The following CCDC171 variants were observed in gnomAD, a reference collection of about 807,000 sequenced individuals.
CCDC171 encodes coiled-coil domain containing 171, also known as coiled-coil domain-containing protein 171.
In CCDC171, 177 loss-of-function variants were observed where a neutral mutation model predicts 168.2. The observed-to-expected ratio is 1.05, with a 90% confidence interval of 0.93 to 1.19. CCDC171 has a LOEUF of 1.19. Ranked by LOEUF, CCDC171 falls within the 50% of genes most tolerant of loss-of-function variation. The pLI, the probability that CCDC171 is intolerant of heterozygous loss-of-function variation, is 0.00. For missense variants in CCDC171, 1,991 were observed against 1,539.0 expected, an observed-to-expected ratio of 1.29 and a Z score of -4.91; for synonymous variants, 687 against 540.8, an observed-to-expected ratio of 1.27 and a Z score of -3.75.
intron 24 of CCDC171, among the ~76,000 whole-genome samples, chr9:15,902,515 A>G (rs1488430259): frequency 6.6e-6 from 1 of 152,172 alleles, no homozygotes; most frequent in African/African-American, 2.4e-5. Flanking sequence ...CAACTGTATT[A>G]GGGCATTCTT....
At chr9:15,631,463 C>T (rs138504968) in intron 7 of CCDC171, among the ~76,000 whole-genome samples, 1 of 152,176 alleles carries the variant, frequency 6.6e-6, no homozygotes, top group Non-Finnish European at 1.5e-5. Context: ...CCACCCAAGA[C>T]TAAACCAGGA....
At chr9:15,767,738 C>T (rs1361592946) in intron 18 of CCDC171, among the ~76,000 whole-genome samples, 1 of 150,816 alleles carries the variant, frequency 6.6e-6, no homozygotes, top group Non-Finnish European at 1.5e-5. Flanking sequence ...GATATTACTC[C>T]TGTTTCTCCT....
chr9:15,638,609 C>G (rs1166067461), intron 7 of CCDC171, among the ~76,000 whole-genome samples: 4 of 151,960 alleles, frequency 2.6e-5, no homozygotes, highest in Non-Finnish European at 5.9e-5. Context: ...AGCTTTTTAA[C>G]AGTTGCATTT....
At chr9:15,728,364 T>C (rs1400078101) in intron 15 of CCDC171, among the ~76,000 whole-genome samples, 1 of 152,178 alleles carries the variant, frequency 6.6e-6, no homozygotes, top group Admixed American at 6.5e-5. Context: ...CTTAGTCATT[T>C]ACATTAATAA....
intron 21 of CCDC171, among the ~76,000 whole-genome samples, chr9:15,827,189 GT>G (rs2060048121): frequency 1.3e-5 from 2 of 152,046 alleles, no homozygotes; most frequent in South Asian, 4.1e-4. Context: ...TTTTTAGTTT[GT>G]TTTATGAAAT....
intron 21 of CCDC171, among the ~76,000 whole-genome samples, chr9:15,799,377 T>G (rs2058711739): frequency 6.6e-6 from 1 of 151,722 alleles, no homozygotes; most frequent in Non-Finnish European, 1.5e-5. Flanking sequence ...TGACAAGAAA[T>G]ACGTGTTCAT....
chr9:15,788,459 T>C (rs1426688041), intron 21 of CCDC171, among the ~76,000 whole-genome samples: 2 of 151,166 alleles, frequency 1.3e-5, no homozygotes, highest in East Asian at 3.9e-4. Context: ...TGTTTCTTCT[T>C]TTTAAAAACA....
At chr9:15,756,630 C>A (rs1208097324) in intron 18 of CCDC171, among the ~76,000 whole-genome samples, 3 of 152,078 alleles carry the variant, frequency 2.0e-5, no homozygotes, top group Non-Finnish European at 2.9e-5. Context: ...TAAAAACATG[C>A]GGTATTTGCT....
At chr9:16,097,058 AGAG>A in the CCDC171 span, among the ~76,000 whole-genome samples, 1 of 152,214 alleles carries the variant, frequency 6.6e-6, no homozygotes, top group Non-Finnish European at 1.5e-5. Context: ...CTTGGAGAAC[AGAG>A]GAGGAGAGAA....
At chr9:15,562,574 G>A (rs1057367449) in intron 1 of CCDC171, among the ~76,000 whole-genome samples, 3 of 152,060 alleles carry the variant, frequency 2.0e-5, no homozygotes, top group South Asian at 2.1e-4. Flanking sequence ...TAAAAGTTTC[G>A]TAACCTCTAC....
At chr9:16,048,228 C>G (rs542260865) in intron 1 of CCDC171, among the ~76,000 whole-genome samples, 1 of 152,212 alleles carries the variant, frequency 6.6e-6, no homozygotes, top group East Asian at 1.9e-4. Context: ...TTCCCAGTAC[C>G]ATTCTCCCTG....
chr9:16,031,145 G>C (rs1349333674), intron 6 of CCDC171, among the ~76,000 whole-genome samples: 1 of 152,084 alleles, frequency 6.6e-6, no homozygotes, highest in Non-Finnish European at 1.5e-5. Context: ...TTAGGTTTAA[G>C]GTGAATTTTA....
intron 21 of CCDC171, among the ~76,000 whole-genome samples, chr9:15,844,289 A>G (rs2130698850): frequency 6.6e-6 from 1 of 152,144 alleles, no homozygotes; most frequent in South Asian, 2.1e-4. Context: ...ATATATGGAT[A>G]TATATTTATA....
intron 3 of CCDC171, among the ~76,000 whole-genome samples, chr9:15,999,339 A>G (rs1020593686): frequency 6.1e-5 from 9 of 147,300 alleles, no homozygotes; most frequent in East Asian, 4.1e-4. Flanking sequence ...AGGAGGGAGG[A>G]AGGAAGGAAG....
intron 3 of CCDC171, among the ~76,000 whole-genome samples, chr9:15,993,190 A>G (rs1277699031): frequency 6.6e-6 from 1 of 151,752 alleles, no homozygotes; most frequent in African/African-American, 2.4e-5. Flanking sequence ...CCTGACTTCA[A>G]ACTATACTAC....
At chr9:16,015,164 G>C (rs1832977420) in intron 3 of CCDC171, among the ~76,000 whole-genome samples, 1 of 152,128 alleles carries the variant, frequency 6.6e-6, no homozygotes, top group East Asian at 1.9e-4. Context: ...AGTGATTTTA[G>C]CTAGATCCTC....
chr9:16,031,838 C>G (rs761168219), intron 6 of CCDC171, among the ~76,000 whole-genome samples: 25 of 152,212 alleles, frequency 1.6e-4, no homozygotes, highest in Non-Finnish European at 3.5e-4. Context: ...GGTCTGTGAG[C>G]ATGCCCTCCA....
At chr9:15,745,317 C>G (rs2055192143) in intron 17 of CCDC171, among the ~76,000 whole-genome samples, 198 bp from the exon 18 acceptor site, 1 of 151,978 alleles carries the variant, frequency 6.6e-6, no homozygotes, top group Non-Finnish European at 1.5e-5. Context: ...TTGTTTTTTT[C>G]TGTTTATTTG....
intron 21 of CCDC171, among the ~76,000 whole-genome samples, chr9:15,844,962 T>A (rs2060834131): frequency 6.6e-6 from 1 of 151,976 alleles, no homozygotes; most frequent in Non-Finnish European, 1.5e-5. Flanking sequence ...GTCATAAGAG[T>A]TATTGAGCAG....
Sources: allele counts gnomAD v4.1 joint callset (sites outside exome capture counted in the v4.1 genomes callset), GRCh38; gene constraint gnomAD v4.1.1; transcripts MANE v1.5; gene names NCBI Gene and HGNC (gene_info 2026-07-23, HGNC 2026-07-21).